The following ZNF610 variants were observed in gnomAD, a reference collection of about 807,000 sequenced individuals.
ZNF610 encodes the protein zinc finger protein 610, also known as zink finger protein.
Under a neutral mutation model 14.1 loss-of-function variants are expected in ZNF610, and 14 were observed. The observed-to-expected ratio is 0.99, with a 90% confidence interval of 0.65 to 1.55. The LOEUF (loss-of-function observed/expected upper bound fraction) is 1.55. Ranked by LOEUF, ZNF610 falls within the 40% of genes most tolerant of loss-of-function variation. The pLI is 0.00. For missense variants in ZNF610, 530 were observed against 558.0 expected (o/e 0.95, Z 0.51); for synonymous variants, 185 against 187.6 (o/e 0.99, Z 0.11).
At chr19:52,331,742 T>C (rs910857487), upstream of ZNF610, among the ~76,000 whole-genome samples, 1 of 152,224 alleles carries the variant, frequency 6.6e-6, no homozygotes, top group Non-Finnish European at 1.5e-5. Context: ...GACTGACAAT[T>C]ACCTGACAAT....
chr19:52,355,645 A>G (rs321949), intron 5 of ZNF610, among the ~76,000 whole-genome samples: 68,798 of 152,114 alleles, frequency 0.45, 16,198 homozygotes, highest in African/African-American at 0.59. Context: ...TTAGTAGTAG[A>G]TTGTCACCTT....
intron 1 of ZNF610, among the ~76,000 whole-genome samples, chr19:52,337,423 G>A (rs999286222): frequency 6.6e-6 from 1 of 151,842 alleles, no homozygotes; most frequent in African/African-American, 2.4e-5. Flanking sequence ...TGGAAATTGG[G>A]GACAATCAAA....
chr19:52,365,927 T>C lies in ZNF610; in HGVS notation c.549T>C (p.Leu183=). 6.2e-7 allele frequency: 1 copy of C among 1,613,034 alleles called. No homozygotes were observed. Among genetic ancestry groups the C allele is most frequent in the Non-Finnish European group, 8.5e-7 (1 of 1,179,592 alleles). The change falls in exon 6 of 6, where the codon CTT becomes CTC. Residue 183 remains leucine, a synonymous_variant. Coordinates refer to ENST00000403906, the MANE Select transcript of ZNF610 (RefSeq NM_001161425.2). ...TTTTTAATAAATATAGAAATGATCT[T>C]ATTGATTTCCCATTACTCCCACAAG... is the stretch of plus-strand genomic sequence containing the variant. The part of the protein sequence containing the change: ...THIFNKYRND[L]IDFPLLPQEE...
chr19:52,342,776 T>G (rs1174105694), intron 1 of ZNF610, among the ~76,000 whole-genome samples: 1 of 152,066 alleles, frequency 6.6e-6, no homozygotes, highest in Non-Finnish European at 1.5e-5. Flanking sequence ...CCATCCACCT[T>G]GGCCTCCCAA....
At chr19:52,352,087 A>C (rs1023257303) in intron 3 of ZNF610, among the ~76,000 whole-genome samples, 3 of 151,552 alleles carry the variant, frequency 2.0e-5, no homozygotes, top group African/African-American at 7.3e-5. Context: ...TGCTGACATT[A>C]CTCTTTTAGT....
chr19:52,365,837 G>A lies in ZNF610; in HGVS notation c.459G>A (p.Lys153=). Residue 153 remains lysine, a synonymous_variant, in exon 6 of 6, where the codon AAG becomes AAA. Coordinates refer to ENST00000403906, the MANE Select transcript of ZNF610 (RefSeq NM_001161425.2). ...TTTACAGAAGTAATCAAGTTGAAAA[G>A]TTTACAAACCATCGTTCCTCAGTTT... ...RKIYRSNQVE[K]FTNHRSSVSP... is the part of the protein sequence containing the mutation. 1 of 1,614,122 alleles carries A rather than the reference G, an allele frequency of 6.2e-7. No individual in the cohort carries two copies. The highest frequency in any genetic ancestry group is 8.5e-7 in the Non-Finnish European group (1 of 1,180,022).
intron 1 of ZNF610, among the ~76,000 whole-genome samples, chr19:52,341,445 G>A (rs11881421): frequency 0.03 from 4,522 of 151,938 alleles, 233 homozygotes; most frequent in African/African-American, 0.1. Flanking sequence ...GAGTAGCTGG[G>A]ATTACAAGCA....
At chr19:52,352,300 G>A (rs529988189) in intron 3 of ZNF610, among the ~76,000 whole-genome samples, 5 of 152,048 alleles carry the variant, frequency 3.3e-5, no homozygotes, top group Non-Finnish European at 5.9e-5. Flanking sequence ...GTGCAATGGC[G>A]TGATCTCGGC....
At chr19:52,339,698 C>G (rs1984580157) in intron 1 of ZNF610, among the ~76,000 whole-genome samples, 1 of 152,170 alleles carries the variant, frequency 6.6e-6, no homozygotes, top group African/African-American at 2.4e-5. Flanking sequence ...TACATAGACA[C>G]AGTAACAGTC....
chr19:52,340,847 A>C (rs954410198), intron 1 of ZNF610, among the ~76,000 whole-genome samples: 4 of 151,882 alleles, frequency 2.6e-5, no homozygotes, highest in Admixed American at 2.6e-4. Flanking sequence ...CGCCTGGCTA[A>C]TTTGTGTATT....
intron 5 of ZNF610, among the ~76,000 whole-genome samples, chr19:52,362,031 T>C (rs536770372): frequency 2.0e-5 from 3 of 152,282 alleles, no homozygotes; most frequent in African/African-American, 7.2e-5. Context: ...GGTGATTCTC[T>C]TATCTCAGCC....
chr19:52,351,826 T>C (rs73934433), intron 3 of ZNF610, among the ~76,000 whole-genome samples: 1,606 of 152,310 alleles, frequency 0.011, 30 homozygotes, highest in African/African-American at 0.037. Flanking sequence ...GACAGAACGT[T>C]GTCCCTCAGG....
chr19:52,336,349 C>A lies in ZNF610; in HGVS notation c.-415C>A, dbSNP rs768410575. 2.1e-4 allele frequency: 61 copies of A among 283,846 alleles called. No homozygotes were observed. Among genetic ancestry groups the A allele is most frequent in the Admixed American group, 1.7e-3 (29 of 17,480 alleles). The allele number at this position is 283,846 out of a possible 1,614,324, so 17.6% of individuals were successfully genotyped here. A position where few individuals can be genotyped will look rare whatever the true frequency, so the allele number is the denominator to read the frequency against. ...TCCCAGCTCCCCCGCGCTTCTGTAC[C>A]CGGGATCTGAGAGTCAACACAGACC... On this transcript the variant is annotated 5_prime_UTR_variant, in exon 1 of 6. Coordinates refer to ENST00000403906, the MANE Select transcript of ZNF610 (RefSeq NM_001161425.2).
intron 5 of ZNF610, among the ~76,000 whole-genome samples, chr19:52,358,219 CTG>C (rs1361701715): frequency 6.6e-6 from 1 of 152,150 alleles, no homozygotes; most frequent in Non-Finnish European, 1.5e-5. Context: ...GAGTCCCACT[CTG>C]TCGCCGGGCT....
intron 5 of ZNF610, among the ~76,000 whole-genome samples, chr19:52,359,775 T>C (rs980578899): frequency 6.6e-6 from 1 of 152,164 alleles, no homozygotes; most frequent in African/African-American, 2.4e-5. Context: ...TCCCACGGGT[T>C]GAGGGCTCAG....
At chr19:52,359,277 T>A (rs1985670002) in intron 5 of ZNF610, among the ~76,000 whole-genome samples, 1 of 152,234 alleles carries the variant, frequency 6.6e-6, no homozygotes, top group Non-Finnish European at 1.5e-5. Context: ...TGGGCTGTTT[T>A]TGCATTTGTG....
At chr19:52,334,109 G>C (rs148347749), upstream of ZNF610, among the ~76,000 whole-genome samples, 103 of 152,300 alleles carry the variant, frequency 6.8e-4, no homozygotes, top group African/African-American at 2.5e-3. Context: ...ACTAGTATAA[G>C]ATGTTAATAA....
intron 3 of ZNF610, 113 bp from the exon 4 acceptor site, chr19:52,353,568 TG>T: frequency 8.6e-7 from 1 of 1,157,890 alleles, no homozygotes. Flanking sequence ...GAAGTTTCTA[TG>T]TTTTTTAATG....
intron 5 of ZNF610, 136 bp from the exon 6 acceptor site, chr19:52,365,562 T>C: frequency 1.3e-6 from 1 of 789,348 alleles, no homozygotes; most frequent in Non-Finnish European, 2.0e-6. Flanking sequence ...TGTTTTCAGC[T>C]CTCACAATGT....
Sources: allele counts gnomAD v4.1 joint callset (sites outside exome capture counted in the v4.1 genomes callset), GRCh38; gene constraint gnomAD v4.1.1; transcripts MANE v1.5; gene names NCBI Gene and HGNC (gene_info 2026-07-23, HGNC 2026-07-21).